TEP1: variants seen among roughly 807,000 people sequenced by gnomAD.
The protein encoded by TEP1 is telomerase associated protein 1, also known as telomerase protein component 1.
A neutral mutation model predicts 306.3 loss-of-function variants in TEP1; 241 were observed. The ratio of observed to expected loss-of-function variants is 0.79; its 90% confidence interval spans 0.71 to 0.88. The LOEUF (loss-of-function observed/expected upper bound fraction) is 0.88, where lower values mean the gene tolerates loss of function less well. Among genes scored for constraint, TEP1 ranks in the 40% least tolerant of loss-of-function variants. The pLI is 0.00. For missense variants in TEP1, 3,051 were observed against 3,276.1 expected (o/e 0.93, Z 1.68); for synonymous variants, 1,289 against 1,305.5 (o/e 0.99, Z 0.27).
At chr14:20,411,528 C>T (rs1879679344) in intron 1 of TEP1, among the ~76,000 whole-genome samples, 1 of 152,182 alleles carries the variant, frequency 6.6e-6, no homozygotes, top group South Asian at 2.1e-4. Context: ...CCATATGTCC[C>T]CTATCATAGA....
intron 7 of TEP1, 74 bp from the exon 8 acceptor site, chr14:20,401,655 T>G: frequency 6.3e-7 from 1 of 1,581,214 alleles, no homozygotes; most frequent in East Asian, 2.2e-5. Context: ...ATAAAGCAGA[T>G]TGTAAGACCA....
chr14:20,404,356 C>CA (rs34000493), intron 5 of TEP1, among the ~76,000 whole-genome samples: 13,105 of 95,388 alleles, frequency 0.14, 1,432 homozygotes, highest in African/African-American at 0.29. Flanking sequence ...ACTCCGTCTC[C>CA]AAAAAAAAAA....
Position 20,390,690 on chromosome 14 carries a change from T to C in TEP1, c.2325A>G (p.Gln775=), listed in dbSNP as rs147608083. ...FGKYLLSLAG[Q]RVPVDRVILL... ...AGGGATTAATACTCACAGGAACCCTTTGGCCAGCCAGAGACAGCAGGTATT... is the reference window on the plus strand; with the variant it reads ...AGGGATTAATACTCACAGGAACCCTCTGGCCAGCCAGAGACAGCAGGTATT... Residue 775 remains glutamine, a synonymous_variant, in exon 15 of 55, where the codon CAA becomes CAG. Coordinates refer to ENST00000262715, the MANE Select transcript of TEP1 (RefSeq NM_007110.5). 16 of 1,614,132 alleles carry C rather than the reference T, an allele frequency of 9.9e-6. No homozygotes were observed. The highest frequency in any genetic ancestry group is 1.3e-5 in the Non-Finnish European group (15 of 1,179,994).
At chr14:20,410,020 CAAAAAAAAAAAAAAAAAAAA>C (rs570672845) in intron 1 of TEP1, among the ~76,000 whole-genome samples, 1 of 58,920 alleles carries the variant, frequency 1.7e-5, no homozygotes, top group Non-Finnish European at 3.2e-5. Context: ...GACTCTGTCT[CAAAAAAAAAAAAAAAAAAAA>C]AAAAAAAAAA....
intron 9 of TEP1, among the ~76,000 whole-genome samples, chr14:20,397,999 T>C (rs112340232): frequency 0.05 from 7,673 of 152,066 alleles, 198 homozygotes; most frequent in South Asian, 0.077. Flanking sequence ...GTGATCTGCC[T>C]GCCTCGGCCT....
intron 9 of TEP1, among the ~76,000 whole-genome samples, chr14:20,398,936 C>T (rs1442465168): frequency 2.0e-5 from 3 of 151,706 alleles, no homozygotes; most frequent in Non-Finnish European, 4.4e-5. Context: ...TGGAGTCTGT[C>T]TCTGTCACTC....
chr14:20,379,198 C>A, intron 35 of TEP1, 93 bp from the exon 36 acceptor site: 1 of 1,507,012 alleles, frequency 6.6e-7, no homozygotes, highest in South Asian at 1.3e-5. Context: ...AAGGCCAAGG[C>A]ACAAAGGCCA....
chr14:20,379,862 T>C (rs1885422027), intron 35 of TEP1, 68 bp downstream of exon 35: 2 of 1,542,064 alleles, frequency 1.3e-6, no homozygotes, highest in Non-Finnish European at 1.7e-6. Flanking sequence ...GTTTGGCTCA[T>C]CTAGGGCTTC....
At chr14:20,382,088 C>T (rs752753539) in intron 29 of TEP1, 25 bp from the exon 30 acceptor site, 7 of 1,613,464 alleles carry the variant, frequency 4.3e-6, no homozygotes, top group African/African-American at 2.7e-5. Flanking sequence ...TCTCTGAGGC[C>T]CTCATCTAAC....
chr14:20,383,093 A>G, intron 27 of TEP1, 81 bp downstream of exon 27: 1 of 1,440,734 alleles, frequency 6.9e-7, no homozygotes, highest in Non-Finnish European at 9.4e-7. Context: ...TGTGCAAGGC[A>G]GCTAGCGGCC....
Position 20,386,082 on chromosome 14 carries a change from A to T in TEP1, c.2975T>A (p.Phe992Tyr). The T allele has an allele frequency of 6.2e-7, 1 of 1,609,076 alleles. No homozygotes were observed. Among genetic ancestry groups the T allele is most frequent in the Middle Eastern group, 1.7e-4 (1 of 6,006 alleles). ...CAAACCTGTCTGCCTTACCCAGTGG[A>T]AGTGTGGATGGTCAGGAAGGTTGTA... The part of the protein sequence containing the change: ...PSYNLPDHPH[F>Y]HWAQQYPSGR... The change falls in exon 20 of 55, where the codon TTC becomes TAC. Residue 992 changes from phenylalanine to tyrosine, a missense_variant. By Grantham distance (22) the Phe-to-Tyr change is conservative. Transcript: ENST00000262715.
Position 20,373,693 on chromosome 14 carries a change from T to A in TEP1, c.6589A>T (p.Met2197Leu). ...GTTTTGTTACCTGCACGGGGCTCCATGGCAGCTGCACAGTGGCTAATGGGT... is the reference window on the plus strand; with the variant it reads ...GTTTTGTTACCTGCACGGGGCTCCAAGGCAGCTGCACAGTGGCTAATGGGT... ...SGPISHCAAA[M>L]EPRAAGQPGS... Residue 2197 changes from methionine to leucine, a missense_variant, in exon 45 of 55, where the codon ATG becomes TTG. Around this residue, in one of 3 missense-constraint regions of TEP1, gnomAD observed 1,540 missense variants for 1,705.9 expected, o/e 0.90. Coordinates refer to ENST00000262715, the MANE Select transcript of TEP1 (RefSeq NM_007110.5). The A allele has an allele frequency of 6.2e-7, 1 of 1,614,178 alleles. No homozygotes were observed. The highest frequency in any genetic ancestry group is 8.5e-7 in the Non-Finnish European group (1 of 1,180,042).
chr14:20,393,037 C>A (rs1260297474), intron 12 of TEP1, among the ~76,000 whole-genome samples: 2 of 151,980 alleles, frequency 1.3e-5, no homozygotes, highest in Non-Finnish European at 2.9e-5. Context: ...CATGGTGAAA[C>A]CCCATCTCTA....
chr14:20,390,359 T>TA (rs1877587431), intron 15 of TEP1, among the ~76,000 whole-genome samples: 1 of 152,256 alleles, frequency 6.6e-6, no homozygotes, highest in African/African-American at 2.4e-5. Context: ...AGTGTGAGAA[T>TA]ACTACACAGC....
At position 20,377,424 on chromosome 14, in the gene TEP1, C is replaced by A. The variant is rs2139028725; in HGVS notation, c.5944G>T (p.Val1982Leu). ...VSALAWLSPK[V>L]LVSGAEDGSL... ...CCATCTTCTGCACCACTCACCAATA[C>A]CTTGGGGCTTAGCCAGGCCAGGGCG... Residue 1982 changes from valine (V) to leucine (L), a missense_variant, in exon 41 of 55, where the codon GTA (valine) becomes TTA (leucine). Physicochemically the swap from Val to Leu is conservative, Grantham distance 32. This residue lies in a region of TEP1 where 1,540 missense variants were observed against 1,705.9 expected (regional missense o/e 0.90). Transcript: ENST00000262715. 6.2e-7 allele frequency: 1 copy of A among 1,614,148 alleles called. No homozygotes were observed. The highest frequency in any genetic ancestry group is 2.2e-5 in the East Asian group (1 of 44,866).
chr14:20,368,320 A>T lies in TEP1; in HGVS notation c.*117T>A, dbSNP rs1884593594. On this transcript the variant is annotated 3_prime_UTR_variant, in exon 55 of 55. Coordinates refer to ENST00000262715, the MANE Select transcript of TEP1 (RefSeq NM_007110.5). ...AGGCCTACACTTGAGATTTTTTGAC[A>T]CTTCATTTTTATAATTATCAAGAAA... is the stretch of plus-strand genomic sequence containing the variant. 7.8e-7 allele frequency: 1 copy of T among 1,275,562 alleles called. No homozygotes were observed. The highest frequency in any genetic ancestry group is 2.6e-5 in the Admixed American group (1 of 37,838). The allele number at this position is 1,275,562 out of a possible 1,614,324, so 79.0% of individuals were successfully genotyped here.
chr14:20,397,344 T>C (rs1284240114), intron 9 of TEP1, among the ~76,000 whole-genome samples: 1 of 152,096 alleles, frequency 6.6e-6, no homozygotes, highest in Non-Finnish European at 1.5e-5. Flanking sequence ...ACCCCGTCTC[T>C]ACAAAAATAC....
intron 18 of TEP1, among the ~76,000 whole-genome samples, chr14:20,387,312 C>G (rs148711061): frequency 0.024 from 3,589 of 146,880 alleles, 177 homozygotes; most frequent in East Asian, 0.21. Context: ...TTTGGGAGGT[C>G]GAGGCGGGCA....
At position 20,381,685 on chromosome 14, in the gene TEP1, A is replaced by G; in HGVS notation, c.4426T>C (p.Leu1476=). 1 of 1,601,462 alleles carries G rather than the reference A, an allele frequency of 6.2e-7. No individual in the cohort carries two copies. The highest frequency in any genetic ancestry group is 8.5e-7 in the Non-Finnish European group (1 of 1,174,360). ...CGCTCCAGAGGGCCCTCCCCTAGCA[A>G]ACTGTCCTCGTGTGAGGAAGGGAGA... The part of the protein sequence containing the change: ...FACLVQSLRS[L]LGEGPLERPG... The change falls in exon 31 of 55, where the codon TTG becomes CTG. Residue 1476 remains leucine (L), a splice_region_variant and synonymous_variant. Transcript: ENST00000262715. The surrounding 1 kb of genome is among the most constrained non-coding windows in gnomAD (Gnocchi z 4.0).
Sources: allele counts gnomAD v4.1 joint callset (sites outside exome capture counted in the v4.1 genomes callset), GRCh38; gene constraint gnomAD v4.1.1; regional missense constraint gnomAD v4.1.1; non-coding constraint Gnocchi (gnomAD v3.1); transcripts MANE v1.5; gene names NCBI Gene and HGNC (gene_info 2026-07-23, HGNC 2026-07-21).